Variants in PLCL1 observed in about 807,000 individuals in gnomAD.
PLCL1 encodes the protein phospholipase C like 1 (inactive).
PLCL1 carries 41 observed loss-of-function variants against 84.4 expected under a neutral mutation model. The observed-to-expected ratio is 0.49, with a 90% CI of 0.38 to 0.63. The LOEUF (loss-of-function observed/expected upper bound fraction) is 0.63. PLCL1 is among the 30% of genes least tolerant of loss of function. The pLI is 0.00. For synonymous variants in PLCL1, 490 were observed against 488.3 expected (o/e 1.00, Z -0.05); for missense variants, 1,206 against 1,367.8 (o/e 0.88, Z 1.87).
chr2:198,019,738 T>A (rs922391396), intron 1 of PLCL1, among the ~76,000 whole-genome samples: 6 of 152,142 alleles, frequency 3.9e-5, no homozygotes, highest in African/African-American at 1.2e-4. Flanking sequence ...TGGGACTATG[T>A]GAAAAGACCA....
intron 5 of PLCL1, among the ~76,000 whole-genome samples, chr2:198,132,753 G>A (rs1359253586): frequency 7.9e-5 from 12 of 151,890 alleles, no homozygotes; most frequent in Admixed American, 1.3e-4. Context: ...AGTAGGTTGC[G>A]AAAATTTTCT....
chr2:197,964,987 T>C (rs544299550), intron 1 of PLCL1, among the ~76,000 whole-genome samples: 2 of 152,164 alleles, frequency 1.3e-5, no homozygotes, highest in Admixed American at 1.3e-4. Context: ...TTGATAGCAT[T>C]TTATTGATGG....
intron 5 of PLCL1, among the ~76,000 whole-genome samples, chr2:198,106,213 G>T (rs1693470579): frequency 6.6e-6 from 1 of 151,886 alleles, no homozygotes; most frequent in African/African-American, 2.4e-5. Flanking sequence ...CAGGCAGTCT[G>T]GCTCCAGACC....
intron 1 of PLCL1, among the ~76,000 whole-genome samples, chr2:197,938,515 A>C (rs997658960): frequency 1.3e-5 from 2 of 152,200 alleles, no homozygotes; most frequent in Non-Finnish European, 2.9e-5. Context: ...AATAATATCC[A>C]AGCTAGGCAA....
chr2:197,931,389 A>G (rs141039864), intron 1 of PLCL1, among the ~76,000 whole-genome samples: 1 of 152,290 alleles, frequency 6.6e-6, no homozygotes, highest in Non-Finnish European at 1.5e-5. Context: ...TGATAGAACT[A>G]TAATTACAAG....
chr2:197,840,633 A>G (rs1397405143), intron 1 of PLCL1, among the ~76,000 whole-genome samples: 2 of 152,126 alleles, frequency 1.3e-5, no homozygotes, highest in Non-Finnish European at 2.9e-5. Flanking sequence ...TCTCAGCATA[A>G]TCTTCTTTAG....
chr2:197,918,824 C>G (rs983479830), intron 1 of PLCL1, among the ~76,000 whole-genome samples: 6 of 152,058 alleles, frequency 3.9e-5, no homozygotes, highest in African/African-American at 1.4e-4. Flanking sequence ...CCTGTAGTCC[C>G]AGCTACTAGG....
chr2:197,819,970 G>A (rs887978967), intron 1 of PLCL1, among the ~76,000 whole-genome samples: 2 of 151,076 alleles, frequency 1.3e-5, no homozygotes, highest in African/African-American at 4.9e-5. Context: ...ATTTTCTTTT[G>A]TCTTCCAAAC....
intron 1 of PLCL1, among the ~76,000 whole-genome samples, chr2:197,844,118 T>C (rs1419978798): frequency 2.0e-5 from 3 of 152,158 alleles, no homozygotes; most frequent in Non-Finnish European, 4.4e-5. Context: ...TTTTGGCAAG[T>C]AAACTTTTAT....
intron 1 of PLCL1, among the ~76,000 whole-genome samples, chr2:197,923,566 C>T (rs1418864677): frequency 2.0e-5 from 3 of 146,432 alleles, no homozygotes; most frequent in Admixed American, 6.7e-5. Flanking sequence ...GATGGGCGGC[C>T]GGGCAGAGAC....
intron 1 of PLCL1, among the ~76,000 whole-genome samples, chr2:197,841,703 A>C (rs888297495): frequency 6.6e-6 from 1 of 152,232 alleles, no homozygotes; most frequent in Non-Finnish European, 1.5e-5. Flanking sequence ...GTGTGAATGT[A>C]GTTTTTAACT....
intron 1 of PLCL1, among the ~76,000 whole-genome samples, chr2:197,957,253 A>G (rs1198326170): frequency 6.6e-6 from 1 of 151,870 alleles, no homozygotes; most frequent in African/African-American, 2.4e-5. Flanking sequence ...TGTTATAATT[A>G]TTTCTTGTGT....
intron 1 of PLCL1, among the ~76,000 whole-genome samples, chr2:198,029,656 A>G (rs1166562296): frequency 1.3e-5 from 2 of 151,646 alleles, no homozygotes; most frequent in Non-Finnish European, 2.9e-5. Flanking sequence ...TCTTCCAGCC[A>G]TGTCTCTTCC....
At position 197,805,060 on chromosome 2, in the gene PLCL1, C is replaced by A. The variant is rs1254075961; in HGVS notation, c.-40C>A. On this transcript the variant is annotated 5_prime_UTR_variant, in exon 1 of 6. Transcript: ENST00000428675. This position sits in a 1 kb window ranked among gnomAD's most constrained non-coding sequence, Gnocchi z 4.0. The stretch of plus-strand genomic sequence containing the variant: ...CTAGCGGCTGGACTCCGCTGCCGGG[C>A]GTCCCGCTTTCCCCCGGGGAGCCCT... The A allele has an allele frequency of 1.4e-6, 2 of 1,419,596 alleles. No individual in the cohort carries two copies. The highest frequency in any genetic ancestry group is 1.4e-5 in the South Asian group (1 of 69,194). 87.9% of individuals were successfully genotyped at this position (1,419,596 alleles called of 1,614,324 possible).
At chr2:197,983,872 A>C (rs1030118250) in intron 1 of PLCL1, among the ~76,000 whole-genome samples, 5 of 152,352 alleles carry the variant, frequency 3.3e-5, no homozygotes, top group Admixed American at 2.0e-4. Context: ...GGATTACAGA[A>C]GGTGAATAAA....
At chr2:198,040,777 G>C (rs1189143396) in intron 1 of PLCL1, among the ~76,000 whole-genome samples, 3 of 152,170 alleles carry the variant, frequency 2.0e-5, no homozygotes, top group Non-Finnish European at 1.5e-5. Context: ...AAGAAGAAAT[G>C]CCTGAGATTC....
rs1559099405 is a variant in PLCL1, at chr2:198,085,691, T to C, written c.2174T>C (p.Ile725Thr). 1 of 1,614,132 alleles carries C rather than the reference T, an allele frequency of 6.2e-7. No individual in the cohort carries two copies. The highest frequency in any genetic ancestry group is 8.5e-7 in the Non-Finnish European group (1 of 1,180,000). ...GGGGTGTCTCCTCTAGCTCTTCATA[T>C]CAAGATCATCAGTGGTCAGAATTTC... The part of the protein sequence containing the change: ...LPGVSPLALH[I>T]KIISGQNFPK... Residue 725 changes from isoleucine (I) to threonine (T), a missense_variant, in exon 2 of 6, where the codon ATC becomes ACC. Physicochemically the swap from Ile to Thr is moderately conservative, Grantham distance 89 (BLOSUM62 -1). Coordinates refer to ENST00000428675, the MANE Select transcript of PLCL1 (RefSeq NM_006226.4). The surrounding 1 kb of genome is among the most constrained non-coding windows in gnomAD (Gnocchi z 5.3).
chr2:197,919,013 A>G (rs1688656509), intron 1 of PLCL1, among the ~76,000 whole-genome samples: 1 of 152,056 alleles, frequency 6.6e-6, no homozygotes. Flanking sequence ...AATGACTCAC[A>G]TACAGATATA....
At chr2:198,098,228 C>G (rs1175692018) in intron 3 of PLCL1, among the ~76,000 whole-genome samples, 1 of 152,096 alleles carries the variant, frequency 6.6e-6, no homozygotes, top group African/African-American at 2.4e-5. Context: ...TATTGACTCA[C>G]ATTTTCTCAA....
Sources: gnomAD v4.1 joint callset for allele counts (sites outside exome capture counted in the v4.1 genomes callset) on GRCh38, gnomAD v4.1.1 for gene constraint, Gnocchi (gnomAD v3.1) non-coding constraint, MANE v1.5 for transcripts, NCBI Gene and HGNC (gene_info 2026-07-23, HGNC 2026-07-21) for gene names.